The following GFAP variants were observed in gnomAD, a reference collection of about 807,000 sequenced individuals.
GFAP encodes the protein glial fibrillary acidic protein, also known as intermediate filament protein.
GFAP carries 38 observed loss-of-function variants against 49.3 expected under a neutral mutation model. The observed-to-expected ratio is 0.77, with a 90% CI of 0.60 to 1.01. The LOEUF (loss-of-function observed/expected upper bound fraction) is 1.01, where lower values mean the gene tolerates loss of function less well. GFAP is among the 50% of genes least tolerant of loss of function. The pLI, the probability that GFAP is intolerant of heterozygous loss-of-function variation, is 0.00. For missense variants in GFAP, 463 were observed against 579.1 expected, an observed-to-expected ratio of 0.80 and a Z score of 2.06; for synonymous variants, 222 against 236.4, an observed-to-expected ratio of 0.94 and a Z score of 0.56.
At chr17:44,910,372 C>G (rs753188187) in intron 7 of GFAP, 1 of 1,609,058 alleles carries the variant, frequency 6.2e-7, no homozygotes, top group East Asian at 2.2e-5. Flanking sequence ...GTTCTGCTGT[C>G]GAATGGGGTG....
intron 7 of GFAP, chr17:44,908,423 GC>G: frequency 2.6e-6 from 1 of 381,074 alleles, no homozygotes; most frequent in South Asian, 4.5e-5. Flanking sequence ...TGAAAACCCA[GC>G]ACGGTATTGA....
At position 44,915,424 on chromosome 17, in the gene GFAP, C is replaced by CA; in HGVS notation, c.62dup (p.Met21IlefsTer49). 2 of 1,608,430 alleles carry CA rather than the reference C, an allele frequency of 1.2e-6. No individual in the cohort carries two copies. The highest frequency in any genetic ancestry group is 1.7e-6 in the Non-Finnish European group (2 of 1,177,104). ...GGCGGCCAGGAGCCAGGCCCCCCAC[C>CA]ATCATCTCCCCTGAGGAGACGTAGG... is the stretch of plus-strand genomic sequence containing the variant. On this transcript the variant is annotated frameshift_variant, in exon 1 of 9. Coordinates refer to ENST00000588735, the MANE Select transcript of GFAP (RefSeq NM_002055.5). LOFTEE classifies it high-confidence loss of function. This position sits in a 1 kb window ranked among gnomAD's most constrained non-coding sequence, Gnocchi z 4.1.
At position 44,904,285 on chromosome 17, in the gene GFAP, C is replaced by T. The variant is rs765121945; in HGVS notation, c.*3062G>A. 10 of 1,549,504 alleles carry T rather than the reference C, an allele frequency of 6.5e-6. No homozygotes were observed. The highest frequency in any genetic ancestry group is 2.4e-5 in the South Asian group (2 of 83,872). On this transcript the variant is annotated 3_prime_UTR_variant, in exon 9 of 9. Coordinates refer to ENST00000588735, the MANE Select transcript of GFAP (RefSeq NM_002055.5). ...AGGGAATGGTGGCCACTTTCCAGGACAAGGGCCAGGAGCCCTTTGCAGATG... is the reference window on the plus strand; with the variant it reads ...AGGGAATGGTGGCCACTTTCCAGGATAAGGGCCAGGAGCCCTTTGCAGATG...
At chr17:44,913,961 C>T in intron 2 of GFAP, 67 bp downstream of exon 2, 1 of 1,330,800 alleles carries the variant, frequency 7.5e-7, no homozygotes, top group East Asian at 2.4e-5. Flanking sequence ...AGCTTGGGGG[C>T]TGTGTTTGGG....
chr17:44,907,773 CT>C, intron 8 of GFAP: 1 of 565,362 alleles, frequency 1.8e-6, no homozygotes, highest in Non-Finnish European at 3.2e-6. Flanking sequence ...CTTTAATTCT[CT>C]TTCTCTCCCT....
chr17:44,908,348 G>T (rs952060115), intron 7 of GFAP, 199 bp from the exon 8 acceptor site: 6 of 546,314 alleles, frequency 1.1e-5, no homozygotes, highest in Non-Finnish European at 2.0e-5. Context: ...AGTCCTGGCT[G>T]CTCTGTCTTC....
intron 7 of GFAP, 74 bp from the exon 8 acceptor site, chr17:44,908,223 C>T (rs1028911895): frequency 7.4e-6 from 7 of 952,372 alleles, no homozygotes; most frequent in African/African-American, 3.2e-5. Context: ...CCCGGCTTCC[C>T]CATCGCACCC....
chr17:44,911,160 G>A (rs1356358169), intron 6 of GFAP, 76 bp downstream of exon 6: 2 of 1,319,112 alleles, frequency 1.5e-6, no homozygotes, highest in Non-Finnish European at 1.1e-6. Context: ...AAAAGACTCA[G>A]TCCCTGAAGG....
Position 44,903,559 on chromosome 17 carries a change from T to C in GFAP, c.*3788A>G. 1.5e-6 allele frequency: 2 copies of C among 1,376,856 alleles called. No homozygotes were observed. The highest frequency in any genetic ancestry group is 1.9e-6 in the Non-Finnish European group (2 of 1,072,186). 85.3% of individuals were successfully genotyped at this position (1,376,856 alleles called of 1,614,324 possible). On this transcript the variant is annotated 3_prime_UTR_variant, in exon 9 of 9. Coordinates refer to ENST00000588735, the MANE Select transcript of GFAP (RefSeq NM_002055.5). ...CCCATTCTTGGGTGAGCGCCAGTGTTCTAGAAAGGGGAGTAAAGGCCAGGT... is the reference window on the plus strand; with the variant it reads ...CCCATTCTTGGGTGAGCGCCAGTGTCCTAGAAAGGGGAGTAAAGGCCAGGT...
In GFAP at chr17:44,904,228, T is replaced by C; in HGVS notation, c.*3119A>G. ...GCGGCACCCGCAAGGGGGACTACTT[T>C]TACGCCTACGATGTGGACATCCAGA... On this transcript the variant is annotated 3_prime_UTR_variant, in exon 9 of 9. Transcript: ENST00000588735. The C allele has an allele frequency of 1.3e-6, 2 of 1,550,546 alleles. No individual in the cohort carries two copies. Among genetic ancestry groups the C allele is most frequent in the Non-Finnish European group, 1.7e-6 (2 of 1,146,982 alleles).
rs2051638188 is a variant in GFAP, at chr17:44,905,286, A to G, written c.*2061T>C. On this transcript the variant is annotated 3_prime_UTR_variant, in exon 9 of 9. Coordinates refer to ENST00000588735, the MANE Select transcript of GFAP (RefSeq NM_002055.5). ...TGGGAGATTGGGGACTGAGCTCAGG[A>G]TGGAAGTAGGGCACATGTGTTTCCT... is the stretch of plus-strand genomic sequence containing the variant. 2 of 579,238 alleles carry G rather than the reference A, an allele frequency of 3.5e-6. No homozygotes were observed. The highest frequency in any genetic ancestry group is 5.9e-5 in the East Asian group (2 of 33,858). The allele number at this position is 579,238 out of a possible 1,614,324, so 35.9% of individuals were successfully genotyped here.
At position 44,915,444 on chromosome 17, in the gene GFAP, C is replaced by T. The variant is rs146698039; in HGVS notation, c.43G>A (p.Val15Ile). ...CCCACCATCATCTCCCCTGAGGAGA[C>T]GTAGGAGCGGCGAGCAGCGGAGGTG... The part of the protein sequence containing the change: ...RITSAARRSY[V>I]SSGEMMVGGL... The change falls in exon 1 of 9, where the codon GTC becomes ATC. Residue 15 changes from valine (V) to isoleucine (I), a missense_variant. This residue lies in a region of GFAP where 89 missense variants were observed against 87.5 expected (regional missense o/e 1.02). Transcript: ENST00000588735. The surrounding 1 kb of genome is among the most constrained non-coding windows in gnomAD (Gnocchi z 4.1). 1.5e-4 allele frequency: 236 copies of T among 1,608,338 alleles called. No individual in the cohort carries two copies. Among genetic ancestry groups the T allele is most frequent in the Non-Finnish European group, 1.9e-4 (225 of 1,177,876 alleles).
Position 44,907,018 on chromosome 17 carries a change from G to A in GFAP, c.*329C>T, listed in dbSNP as rs1034355761. ...AACAGGAATCAGGGATGTGGAGGGC[G>A]ATGTAGTAGGTGCCCCCCGCCCTCC... On this transcript the variant is annotated 3_prime_UTR_variant, in exon 9 of 9. Transcript: ENST00000588735. The A allele has an allele frequency of 1.1e-5, 5 of 446,094 alleles. No individual in the cohort carries two copies. The highest frequency in any genetic ancestry group is 4.3e-5 in the East Asian group (1 of 23,518). 27.6% of individuals were successfully genotyped at this position (446,094 alleles called of 1,614,324 possible).
chr17:44,910,402 C>G lies in GFAP; in HGVS notation c.1171+213G>C, dbSNP rs1293076177. ...GGGGTGCAGGGAGGGGAAGAGGGAC[C>G]AGGGCCTAGCAGGACAGGGGCAGCT... is the stretch of plus-strand genomic sequence containing the variant. On this transcript the variant is annotated intron_variant, in intron 7 of 8. Coordinates refer to ENST00000588735, the MANE Select transcript of GFAP (RefSeq NM_002055.5). The G allele has an allele frequency of 4.4e-6, 7 of 1,600,030 alleles. No homozygotes were observed. The South Asian group carries it at 5.5e-5, about 13-fold the overall frequency.
At chr17:44,908,889 AG>A (rs2051697237) in intron 7 of GFAP, 1 of 150,998 alleles carries the variant, frequency 6.6e-6, no homozygotes, top group African/African-American at 2.5e-5. Context: ...GCAAGCAAGC[AG>A]GAAAGAGAAA....
chr17:44,913,861 G>T, intron 2 of GFAP, 38 bp from the exon 3 acceptor site: 1 of 1,548,676 alleles, frequency 6.5e-7, no homozygotes, highest in Non-Finnish European at 8.9e-7. Flanking sequence ...GAGGGCCACT[G>T]GGGCCCCAGG....
At position 44,905,988 on chromosome 17, in the gene GFAP, A is replaced by T. The variant is rs2051647456; in HGVS notation, c.*1359T>A. 6.6e-6 allele frequency: 1 copy of T among 152,278 alleles called. No individual in the cohort carries two copies. The highest frequency in any genetic ancestry group is 6.5e-5 in the Admixed American group (1 of 15,290). The allele number at this position is 152,278 out of a possible 1,614,324, so 9.4% of individuals were successfully genotyped here. On this transcript the variant is annotated 3_prime_UTR_variant, in exon 9 of 9. Transcript: ENST00000588735. Reference sequence around the variant, plus strand: ...CGTGCCTCAGTTTTACAATTGTAAAATAGGGCACTACCTAGAATACTGGGT... The same window carrying T: ...CGTGCCTCAGTTTTACAATTGTAAATTAGGGCACTACCTAGAATACTGGGT...
Position 44,905,194 on chromosome 17 carries a change from A to G in GFAP, c.*2153T>C. ...AGGAACATGTGGACAAATCTGTTAC[A>G]GCCTGCTCCCCATTTTCATGGGCAG... On this transcript the variant is annotated 3_prime_UTR_variant, in exon 9 of 9. Coordinates refer to ENST00000588735, the MANE Select transcript of GFAP (RefSeq NM_002055.5). The G allele has an allele frequency of 1.3e-6, 1 of 747,814 alleles. No homozygotes were observed. The highest frequency in any genetic ancestry group is 2.2e-6 in the Non-Finnish European group (1 of 457,560). The allele number at this position is 747,814 out of a possible 1,614,324, so 46.3% of individuals were successfully genotyped here.
Position 44,910,745 on chromosome 17 carries a change from G to A in GFAP, c.1128-87C>T, listed in dbSNP as rs1200276726. 22 of 1,536,756 alleles carry A rather than the reference G, an allele frequency of 1.4e-5. No individual in the cohort carries two copies. In the Admixed American group the frequency reaches 4.4e-4, roughly 31 times the overall value. ...TGGTGCGGGGCCATCATGACAACTTGAACGCCCTTTTCCTTGCCAGGAAAG... is the reference window on the plus strand; with the variant it reads ...TGGTGCGGGGCCATCATGACAACTTAAACGCCCTTTTCCTTGCCAGGAAAG... On this transcript the variant is annotated intron_variant, in intron 6 of 8. Transcript: ENST00000588735.
Sources: gnomAD v4.1 joint callset for allele counts on GRCh38, gnomAD v4.1.1 for gene constraint, gnomAD v4.1.1 regional missense constraint, Gnocchi (gnomAD v3.1) non-coding constraint, MANE v1.5 for transcripts, NCBI Gene and HGNC (gene_info 2026-07-23, HGNC 2026-07-21) for gene names.